The following TDRD3 variants were observed in gnomAD, a reference collection of about 807,000 sequenced individuals.
TDRD3 encodes the protein tudor domain-containing protein 3.
Under a neutral mutation model 86.7 loss-of-function variants are expected in TDRD3, and 45 were observed. That is an observed-to-expected ratio of 0.52 (90% confidence interval 0.41 to 0.67). The LOEUF (loss-of-function observed/expected upper bound fraction) is 0.67, where lower values mean the gene tolerates loss of function less well. Among genes scored for constraint, TDRD3 ranks in the 30% least tolerant of loss-of-function variants. TDRD3 has a pLI of 0.00. For missense variants in TDRD3, 814 were observed against 889.0 expected (o/e 0.92, Z 1.07); for synonymous variants, 298 against 301.7 (o/e 0.99, Z 0.13).
chr13:60,505,714 C>T (rs1007882318), intron 8 of TDRD3, among the ~76,000 whole-genome samples: 2 of 152,084 alleles, frequency 1.3e-5, no homozygotes, highest in Non-Finnish European at 2.9e-5. Context: ...AAAAACATAG[C>T]ACGAGAACTT....
intron 8 of TDRD3, among the ~76,000 whole-genome samples, chr13:60,508,163 G>A (rs1027872717): frequency 6.6e-6 from 1 of 152,134 alleles, no homozygotes; most frequent in Non-Finnish European, 1.5e-5. Flanking sequence ...CGGATAGGAA[G>A]AATCAATATC....
At chr13:60,485,575 A>G (rs1163482929) in intron 6 of TDRD3, among the ~76,000 whole-genome samples, 1 of 152,098 alleles carries the variant, frequency 6.6e-6, no homozygotes, top group Non-Finnish European at 1.5e-5. Context: ...AGATAGCCAC[A>G]TATTTATATA....
At chr13:60,487,187 C>T (rs1337400315) in intron 7 of TDRD3, among the ~76,000 whole-genome samples, 1 of 152,022 alleles carries the variant, frequency 6.6e-6, no homozygotes, top group East Asian at 1.9e-4. Flanking sequence ...TATAAGTAAT[C>T]TAGAGATGAT....
chr13:60,518,824 C>T (rs555742664), intron 10 of TDRD3, among the ~76,000 whole-genome samples: 2 of 152,244 alleles, frequency 1.3e-5, no homozygotes, highest in South Asian at 4.1e-4. Context: ...GAACTAGTCT[C>T]TGTAAAATAC....
chr13:60,547,835 C>G (rs1957969007), intron 12 of TDRD3, among the ~76,000 whole-genome samples: 1 of 152,118 alleles, frequency 6.6e-6, no homozygotes, highest in South Asian at 2.1e-4. Flanking sequence ...TATTATGACC[C>G]CTTCTTAACC....
intron 8 of TDRD3, among the ~76,000 whole-genome samples, chr13:60,500,309 G>T (rs1260060593): frequency 1.2e-4 from 18 of 152,142 alleles, no homozygotes; most frequent in Non-Finnish European, 1.5e-5. Flanking sequence ...ATGTGATTGG[G>T]CTTGAGCAGG....
At chr13:60,453,041 T>G (rs1440759443) in intron 3 of TDRD3, among the ~76,000 whole-genome samples, 1 of 152,170 alleles carries the variant, frequency 6.6e-6, no homozygotes, top group Non-Finnish European at 1.5e-5. Flanking sequence ...TTTCCTCAAC[T>G]TCTTAGTTCA....
chr13:60,397,285 TA>T lies in TDRD3; in HGVS notation c.-78del. The T allele has an allele frequency of 3.2e-6, 2 of 623,710 alleles. No individual in the cohort carries two copies. The highest frequency in any genetic ancestry group is 3.8e-5 in the East Asian group (1 of 26,490). The allele number at this position is 623,710 out of a possible 1,614,324, so 38.6% of individuals were successfully genotyped here. ...TTCTTTTCTTTTCTTTTTTTTTTTT[TA>T]AGGGGGGGGGTCTCAAGTAGGAGGC... On this transcript the variant is annotated 5_prime_UTR_variant, in exon 1 of 14. An upstream open reading frame in the 5' UTR loses its in-frame stop. Coordinates refer to ENST00000377881, the MANE Select transcript of TDRD3 (RefSeq NM_001146070.2).
chr13:60,564,368 C>T (rs9538747), intron 12 of TDRD3, among the ~76,000 whole-genome samples: 2,261 of 152,218 alleles, frequency 0.015, 26 homozygotes, highest in Non-Finnish European at 0.024. Flanking sequence ...CAACTTGAAG[C>T]GGGGCTTCTA....
Position 60,435,387 on chromosome 13 carries a change from AC to A in TDRD3, c.42-4298del, listed in dbSNP as rs1352255928. ...CCATCACTCAAGCAGTGTACACTGT[AC>A]CCAATATGTAGTCTTTTATCCCTCA... On this transcript the variant is annotated intron_variant, in intron 1 of 13. Transcript: ENST00000377881. Among the ~76,000 whole-genome samples the A allele has an allele frequency of 4.6e-5, 7 of 152,058 alleles. No homozygotes were observed. In the East Asian group the frequency reaches 1.4e-3, roughly 29 times the overall value.
At chr13:60,521,609 G>A (rs557184846) in intron 10 of TDRD3, among the ~76,000 whole-genome samples, 1 of 152,242 alleles carries the variant, frequency 6.6e-6, no homozygotes, top group Non-Finnish European at 1.5e-5. Context: ...AAATGAAAGT[G>A]TATGGGCCGG....
chr13:60,498,500 T>C (rs1956765066), intron 8 of TDRD3, among the ~76,000 whole-genome samples: 1 of 152,124 alleles, frequency 6.6e-6, no homozygotes, highest in Non-Finnish European at 1.5e-5. Flanking sequence ...TTCCTAGATG[T>C]GAAATTGATA....
intron 8 of TDRD3, among the ~76,000 whole-genome samples, chr13:60,498,613 T>C (rs1419962895): frequency 1.3e-5 from 2 of 152,086 alleles, no homozygotes; most frequent in Admixed American, 1.3e-4. Flanking sequence ...TTGTGGCCCC[T>C]CAATCAATTT....
At chr13:60,397,826 G>T (rs1007564856) in intron 1 of TDRD3, among the ~76,000 whole-genome samples, 2 of 152,058 alleles carry the variant, frequency 1.3e-5, no homozygotes, top group African/African-American at 2.4e-5. Context: ...GAAGTGCGGC[G>T]GAGAGGGACG....
At chr13:60,514,800 A>C (rs1957133125) in intron 10 of TDRD3, among the ~76,000 whole-genome samples, 1 of 152,226 alleles carries the variant, frequency 6.6e-6, no homozygotes, top group African/African-American at 2.4e-5. Context: ...GGTTTTTGGC[A>C]TAAGAGCCAT....
At chr13:60,529,318 A>G in intron 11 of TDRD3, 101 bp downstream of exon 11, 2 of 1,298,792 alleles carry the variant, frequency 1.5e-6, no homozygotes, top group East Asian at 2.4e-5. Context: ...GTCTTTTTCT[A>G]CTATTGTACC....
intron 2 of TDRD3, among the ~76,000 whole-genome samples, chr13:60,444,449 A>T (rs1177075293): frequency 6.6e-6 from 1 of 151,964 alleles, no homozygotes; most frequent in Admixed American, 6.6e-5. Flanking sequence ...TACCTAAAGA[A>T]ATATGACCAG....
intron 7 of TDRD3, among the ~76,000 whole-genome samples, chr13:60,487,283 C>A (rs1207394662): frequency 2.0e-5 from 3 of 152,056 alleles, no homozygotes; most frequent in Admixed American, 6.6e-5. Flanking sequence ...ATCACCTGAG[C>A]CTGACCAACC....
At chr13:60,435,398 A>C (rs1594929958) in intron 1 of TDRD3, among the ~76,000 whole-genome samples, 2 of 152,212 alleles carry the variant, frequency 1.3e-5, no homozygotes, top group African/African-American at 4.8e-5. Flanking sequence ...CCCAATATGT[A>C]GTCTTTTATC....
Sources: allele counts gnomAD v4.1 joint callset (sites outside exome capture counted in the v4.1 genomes callset), GRCh38; gene constraint gnomAD v4.1.1; transcripts MANE v1.5; gene names NCBI Gene and HGNC (gene_info 2026-07-23, HGNC 2026-07-21).